SETD1B: variants seen among roughly 807,000 people sequenced by gnomAD.
SETD1B encodes the protein histone-lysine N-methyltransferase SETD1B.
SETD1B carries 7 observed loss-of-function variants against 148.0 expected under a neutral mutation model. That is an observed-to-expected ratio of 0.05 (90% CI 0.03 to 0.09). The LOEUF (loss-of-function observed/expected upper bound fraction) is 0.09. Among genes scored for constraint, SETD1B ranks in the 10% least tolerant of loss-of-function variants. The pLI is 1.00. For missense variants in SETD1B, 2,155 were observed against 2,729.9 expected (o/e 0.79, Z 4.69); for synonymous variants, 1,361 against 1,186.5 (o/e 1.15, Z -3.02).
At chr12:121,825,032 C>G (rs528742617) in intron 12 of SETD1B, among the ~76,000 whole-genome samples, 168 bp from the exon 13 acceptor site, 1 of 151,310 alleles carries the variant, frequency 6.6e-6, no homozygotes, top group African/African-American at 2.4e-5. Flanking sequence ...AGGTATTGAC[C>G]GTCAGCAGGG....
At chr12:121,799,858 G>A (rs1875239437), upstream of SETD1B, 1 of 152,172 alleles carries the variant, frequency 6.6e-6, no homozygotes, top group African/African-American at 2.4e-5. Context: ...TTAGTGGGAG[G>A]ACTGTCAGAG....
intron 12 of SETD1B, among the ~76,000 whole-genome samples, chr12:121,824,296 C>T (rs1374382793): frequency 1.3e-5 from 2 of 152,202 alleles, no homozygotes; most frequent in Admixed American, 1.3e-4. Flanking sequence ...TGAGGCTAGA[C>T]CTCTCATTAT....
intron 7 of SETD1B, among the ~76,000 whole-genome samples, chr12:121,816,407 G>A (rs1173333175): frequency 6.6e-6 from 1 of 152,176 alleles, no homozygotes; most frequent in Non-Finnish European, 1.5e-5. Context: ...AGTAAAATTA[G>A]AATGAACCGT....
At chr12:121,809,582 G>A (rs1197638668) in intron 5 of SETD1B, 21 bp from the exon 6 acceptor site, 5 of 1,523,700 alleles carry the variant, frequency 3.3e-6, no homozygotes, top group Non-Finnish European at 4.4e-6. Flanking sequence ...CCAGTGGTCT[G>A]ACATCTCTGT....
Position 121,817,656 on chromosome 12 carries a change from C to A in SETD1B, c.3264C>A (p.Val1088=), listed in dbSNP as rs1170244304. The change falls in exon 9 of 17, where the codon GTC becomes GTA. Residue 1088 remains valine (V), a synonymous_variant. Transcript: ENST00000604567. The surrounding 1 kb of genome is among the most constrained non-coding windows in gnomAD (Gnocchi z 8.1). The stretch of plus-strand genomic sequence containing the variant: ...CGGAGGAGGAGGAGGAGGAGGAAGT[C>A]CCCAGGAGCCAGCTCTCCTCCTCCT... ...EEAEEEEEEE[V]PRSQLSSSST... The A allele has an allele frequency of 4.5e-6, 7 of 1,550,678 alleles. No homozygotes were observed. Among genetic ancestry groups the A allele is most frequent in the African/African-American group, 1.4e-5 (1 of 73,036 alleles).
At position 121,817,504 on chromosome 12, in the gene SETD1B, A is replaced by G; in HGVS notation, c.3112A>G (p.Lys1038Glu). 1 of 1,551,178 alleles carries G rather than the reference A, an allele frequency of 6.4e-7. No individual in the cohort carries two copies. Among genetic ancestry groups the G allele is most frequent in the African/African-American group, 1.4e-5 (1 of 73,140 alleles). ...ELDSGGEEDE[K>E]ESLSASSSSS... ...GGACAGTGGTGGGGAGGAGGACGAG[A>G]AGGAGTCATTGTCGGCGTCCTCGTC... Residue 1038 changes from lysine to glutamate, a missense_variant, in exon 9 of 17, where the codon AAG becomes GAG. Coordinates refer to ENST00000604567, the MANE Select transcript of SETD1B (RefSeq NM_001353345.2). The surrounding 1 kb of genome is among the most constrained non-coding windows in gnomAD (Gnocchi z 8.1).
chr12:121,824,577 G>GC (rs541241131), intron 12 of SETD1B, among the ~76,000 whole-genome samples: 6 of 152,060 alleles, frequency 3.9e-5, no homozygotes, highest in Non-Finnish European at 8.8e-5. Flanking sequence ...AACCCGGGAG[G>GC]CACAGGTTGT....
Position 121,817,931 on chromosome 12 carries a change from G to A in SETD1B, c.3418+27G>A. On this transcript the variant is annotated intron_variant, in intron 10 of 16. Transcript: ENST00000604567. This position sits in a 1 kb window ranked among gnomAD's most constrained non-coding sequence, Gnocchi z 8.1. ...TGAGCAGGGAGGCCGTGGCTGCCTG[G>A]CCCTCCCGGAGTCCCTCTTTCCCCG... 6.6e-7 allele frequency: 1 copy of A among 1,506,824 alleles called. No homozygotes were observed. Among genetic ancestry groups the A allele is most frequent in the South Asian group, 1.3e-5 (1 of 78,382 alleles). 93.3% of individuals were successfully genotyped at this position (1,506,824 alleles called of 1,614,324 possible). A position where few individuals can be genotyped will look rare whatever the true frequency, so the allele number is the denominator to read the frequency against.
the SETD1B span, among the ~76,000 whole-genome samples, chr12:121,799,004 C>T: frequency 1.3e-5 from 2 of 152,204 alleles, no homozygotes; most frequent in African/African-American, 4.8e-5. Context: ...GTTCCCAGAC[C>T]ACAGCATCAG....
rs370480791 is a variant in SETD1B, at chr12:121,825,647, GT to G, written c.5337+291del. 3.1e-3 allele frequency among the ~76,000 whole-genome samples: 463 copies of G among 147,678 alleles called. 2 individuals are homozygous for G. Among genetic ancestry groups the G allele is most frequent in the African/African-American group, 0.01 (411 of 40,414 alleles). On this transcript the variant is annotated intron_variant, in intron 13 of 16. Transcript: ENST00000604567. Reference sequence around the variant, plus strand: ...CATTCATTTTTTGTTTTTTGCTTGGGTTTTTTTTTTAGGGGGGGACAAAGCC... The same window carrying G: ...CATTCATTTTTTGTTTTTTGCTTGGGTTTTTTTTTAGGGGGGGACAAAGCC...
Position 121,817,101 on chromosome 12 carries a change from C to A in SETD1B, c.2784C>A (p.Ile928=), listed in dbSNP as rs1350896990. ...ACAGGCCGAAGCCCAAGGACCGCAT[C>A]GCCTCGTGCCTGCTGGAGTCATGGG... ...DEDRPKPKDR[I]ASCLLESWGK... The change falls in exon 8 of 17, where the codon ATC becomes ATA. Residue 928 remains isoleucine (I), a synonymous_variant. Transcript: ENST00000604567. This position sits in a 1 kb window ranked among gnomAD's most constrained non-coding sequence, Gnocchi z 8.1. 1 of 1,549,006 alleles carries A rather than the reference C, an allele frequency of 6.5e-7. No individual in the cohort carries two copies. The highest frequency in any genetic ancestry group is 1.2e-5 in the South Asian group (1 of 84,028).
Position 121,822,788 on chromosome 12 carries a change from G to A in SETD1B, c.4209G>A (p.Val1403=), listed in dbSNP as rs1204826860. 19 of 1,511,668 alleles carry A rather than the reference G, an allele frequency of 1.3e-5. No individual in the cohort carries two copies. Among genetic ancestry groups the A allele is most frequent in the South Asian group, 2.5e-5 (2 of 78,700 alleles). The allele number at this position is 1,511,668 out of a possible 1,614,324, so 93.6% of individuals were successfully genotyped here. A position where few individuals can be genotyped will look rare whatever the true frequency, so the allele number is the denominator to read the frequency against. Residue 1403 remains valine (V), a synonymous_variant, in exon 12 of 17, where the codon GTG becomes GTA. Transcript: ENST00000604567. ...GCCTGTCCCTGAGCTCTCCGCAAGT[G>A]CCCGGCAGCCCCTTCTCCTACCCAG... The part of the protein sequence containing the change: ...SSGLSLSSPQ[V]PGSPFSYPAP...
intron 16 of SETD1B, among the ~76,000 whole-genome samples, chr12:121,829,147 C>A (rs1489681975): frequency 6.6e-6 from 1 of 152,162 alleles, no homozygotes; most frequent in Non-Finnish European, 1.5e-5. Context: ...AACTAAGTTT[C>A]TCTGAGAGCC....
Position 121,810,535 on chromosome 12 carries a change from C to T in SETD1B, c.1590C>T (p.Gly530=). ...PDSDTELQME[G]SPISSSSSQL... Reference sequence around the variant, plus strand: ...CGGACACCGAGCTGCAGATGGAGGGCAGCCCCATCTCCTCCTCCTCCTCCC... The same window carrying T: ...CGGACACCGAGCTGCAGATGGAGGGTAGCCCCATCTCCTCCTCCTCCTCCC... The change falls in exon 6 of 17, where the codon GGC becomes GGT. Residue 530 remains glycine (G), a synonymous_variant. Transcript: ENST00000604567. The surrounding 1 kb of genome is among the most constrained non-coding windows in gnomAD (Gnocchi z 7.6). The T allele has an allele frequency of 6.5e-7, 1 of 1,546,524 alleles. No homozygotes were observed.
chr12:121,818,889 CA>C (rs61120230), intron 10 of SETD1B, among the ~76,000 whole-genome samples: 1,908 of 65,216 alleles, frequency 0.029, 21 homozygotes, highest in African/African-American at 0.088. Flanking sequence ...GACTCCGTCT[CA>C]AAAAAAAAAA....
chr12:121,822,849 C>T lies in SETD1B; in HGVS notation c.4270C>T (p.Arg1424Trp), dbSNP rs1274766216. The T allele has an allele frequency of 3.4e-6, 5 of 1,488,232 alleles. No individual in the cohort carries two copies. In the South Asian group the frequency reaches 4.0e-5, roughly 12 times the overall value. 92.2% of individuals were successfully genotyped at this position (1,488,232 alleles called of 1,614,324 possible). A position where few individuals can be genotyped will look rare whatever the true frequency, so the allele number is the denominator to read the frequency against. Residue 1424 changes from arginine to tryptophan, a missense_variant, in exon 12 of 17, where the codon CGG becomes TGG. Arg to Trp is a moderately radical substitution (Grantham distance 101, BLOSUM62 -3). Transcript: ENST00000604567. Reference protein sequence around the residue: ...SPSLSSGGLPRTPGRDFSFTP... With the variant: ...SPSLSSGGLPWTPGRDFSFTP... ...TAGCTTGAGCAGTGGGGGCCTCCCT[C>T]GGACACCTGGCCGGGACTTCAGCTT... is the stretch of plus-strand genomic sequence containing the variant.
rs1365410963 is a variant in SETD1B, at chr12:121,830,417, C to G, written c.*178C>G. ...CCCCTGGAGCCCCTGGCTCCGGCCC[C>G]TCCGCGGGAAAGGGCTTCTCTGTCG... On this transcript the variant is annotated 3_prime_UTR_variant, in exon 17 of 17. Coordinates refer to ENST00000604567, the MANE Select transcript of SETD1B (RefSeq NM_001353345.2). This position sits in a 1 kb window ranked among gnomAD's most constrained non-coding sequence, Gnocchi z 5.7. The G allele has an allele frequency of 7.0e-6, 4 of 572,116 alleles. No homozygotes were observed. Among genetic ancestry groups the G allele is most frequent in the Non-Finnish European group, 1.2e-5 (4 of 327,922 alleles). The allele number at this position is 572,116 out of a possible 1,614,324, so 35.4% of individuals were successfully genotyped here. A position where few individuals can be genotyped will look rare whatever the true frequency, so the allele number is the denominator to read the frequency against.
chr12:121,825,117 G>A, intron 12 of SETD1B, 83 bp from the exon 13 acceptor site: 1 of 1,374,942 alleles, frequency 7.3e-7, no homozygotes, highest in Non-Finnish European at 9.9e-7. Flanking sequence ...CCTGAAGGGT[G>A]GTCTGAGGAT....
At position 121,827,722 on chromosome 12, in the gene SETD1B, T is replaced by G. The variant is rs1436552533; in HGVS notation, c.5470-13T>G. 1 of 1,551,816 alleles carries G rather than the reference T, an allele frequency of 6.4e-7. No homozygotes were observed. The highest frequency in any genetic ancestry group is 8.7e-7 in the Non-Finnish European group (1 of 1,147,022). The stretch of plus-strand genomic sequence containing the variant: ...AGACCGGGGCTCACCTCTCCCCCTC[T>G]TCCCTCCCACAGTTCCGGAAGAAAA... On this transcript the variant is annotated splice_polypyrimidine_tract_variant and intron_variant, in intron 14 of 16. Coordinates refer to ENST00000604567, the MANE Select transcript of SETD1B (RefSeq NM_001353345.2).
Sources: allele counts gnomAD v4.1 joint callset (sites outside exome capture counted in the v4.1 genomes callset), GRCh38; gene constraint gnomAD v4.1.1; non-coding constraint Gnocchi (gnomAD v3.1); transcripts MANE v1.5; gene names NCBI Gene and HGNC (gene_info 2026-07-23, HGNC 2026-07-21).